The following SORCS1 variants were observed in gnomAD, a reference collection of about 807,000 sequenced individuals.
The protein encoded by SORCS1 is sortilin related VPS10 domain containing receptor 1, also known as VPS10 domain-containing receptor SorCS1.
In SORCS1, 60 loss-of-function variants were observed where a neutral mutation model predicts 146.1. The ratio of observed to expected loss-of-function variants is 0.41; its 90% CI spans 0.33 to 0.51. SORCS1 has a LOEUF of 0.51. Among genes scored for constraint, SORCS1 ranks in the 20% least tolerant of loss-of-function variants. The pLI is 0.21. For synonymous variants in SORCS1, 637 were observed against 584.0 expected, an observed-to-expected ratio of 1.09 and a Z score of -1.31; for missense variants, 1,352 against 1,487.6, an observed-to-expected ratio of 0.91 and a Z score of 1.50.
At chr10:106,740,407 G>T (rs975144047) in intron 5 of SORCS1, among the ~76,000 whole-genome samples, 61 of 152,172 alleles carry the variant, frequency 4.0e-4, no homozygotes, top group Non-Finnish European at 8.1e-4. Context: ...ATAAATTTTT[G>T]AATATGTTTA....
chr10:107,019,196 T>C (rs546583953), intron 1 of SORCS1, among the ~76,000 whole-genome samples: 11 of 152,188 alleles, frequency 7.2e-5, no homozygotes, highest in Non-Finnish European at 1.6e-4. Flanking sequence ...GTAGCCATTA[T>C]ATATGGCCTG....
intron 18 of SORCS1, among the ~76,000 whole-genome samples, chr10:106,647,042 T>C (rs1322015): frequency 0.24 from 33,813 of 143,100 alleles, 4,875 homozygotes; most frequent in East Asian, 0.52. Flanking sequence ...TATATATATA[T>C]GGTAATGTCA....
chr10:106,583,349 A>G (rs1345746923), intron 24 of SORCS1, among the ~76,000 whole-genome samples: 1 of 152,232 alleles, frequency 6.6e-6, no homozygotes, highest in Non-Finnish European at 1.5e-5. Context: ...ATATTAAATG[A>G]TCACAGCAGC....
chr10:106,823,348 T>C (rs1320775358), intron 3 of SORCS1, among the ~76,000 whole-genome samples: 1 of 152,186 alleles, frequency 6.6e-6, no homozygotes, highest in Non-Finnish European at 1.5e-5. Flanking sequence ...CAGACAAAAT[T>C]ATACATTATG....
chr10:106,834,841 T>G (rs1948717831), intron 2 of SORCS1, among the ~76,000 whole-genome samples: 1 of 152,338 alleles, frequency 6.6e-6, no homozygotes, highest in Non-Finnish European at 1.5e-5. Flanking sequence ...TTGACTTATC[T>G]ATAAATGAAA....
At chr10:106,755,608 C>CT (rs1294509077) in intron 5 of SORCS1, among the ~76,000 whole-genome samples, 3 of 147,776 alleles carry the variant, frequency 2.0e-5, no homozygotes, top group Admixed American at 6.6e-5. Flanking sequence ...GTGTGTGTGT[C>CT]TTTTTTTCCC....
intron 1 of SORCS1, among the ~76,000 whole-genome samples, chr10:107,002,447 T>C (rs1589898182): frequency 6.6e-6 from 1 of 152,320 alleles, no homozygotes; most frequent in South Asian, 2.1e-4. Context: ...ACAGCCACTC[T>C]TTTGGGCCAT....
chr10:107,119,374 A>G (rs1966247686), intron 1 of SORCS1, among the ~76,000 whole-genome samples: 1 of 152,222 alleles, frequency 6.6e-6, no homozygotes, highest in South Asian at 2.1e-4. Context: ...TTTTAAAGAA[A>G]GGCTATGGTT....
At chr10:106,637,921 T>G (rs1294304372) in intron 18 of SORCS1, among the ~76,000 whole-genome samples, 1 of 152,224 alleles carries the variant, frequency 6.6e-6, no homozygotes, top group Non-Finnish European at 1.5e-5. Flanking sequence ...CAAATTTCCC[T>G]TTTATGTCTT....
chr10:106,948,302 G>A (rs1954472114), intron 2 of SORCS1, among the ~76,000 whole-genome samples: 1 of 150,172 alleles, frequency 6.7e-6, no homozygotes, highest in African/African-American at 2.5e-5. Context: ...AAAAAAAAAT[G>A]TATCTGTGTT....
chr10:107,067,663 G>T (rs944243686), intron 1 of SORCS1, among the ~76,000 whole-genome samples: 6 of 152,114 alleles, frequency 3.9e-5, no homozygotes, highest in African/African-American at 1.4e-4. Flanking sequence ...AGAGAGGCAT[G>T]CAACAGCACA....
intron 2 of SORCS1, among the ~76,000 whole-genome samples, chr10:106,911,258 T>G (rs964287208): frequency 1.9e-4 from 29 of 152,270 alleles, no homozygotes; most frequent in African/African-American, 5.8e-4. Context: ...GGGAAGTGAA[T>G]GTCCTTCATT....
intron 2 of SORCS1, among the ~76,000 whole-genome samples, chr10:106,878,195 C>T (rs968934335): frequency 6.9e-6 from 1 of 145,326 alleles, no homozygotes; most frequent in African/African-American, 2.6e-5. Context: ...CCAGATACTA[C>T]AAAATTCCCT....
intron 2 of SORCS1, among the ~76,000 whole-genome samples, chr10:106,879,938 C>T (rs568964914): frequency 1.3e-5 from 2 of 152,332 alleles, no homozygotes; most frequent in Admixed American, 1.3e-4. Context: ...ATCTGGACTT[C>T]TGATCTACAG....
chr10:106,829,768 A>G, intron 2 of SORCS1, 95 bp from the exon 3 acceptor site: 1 of 832,198 alleles, frequency 1.2e-6, no homozygotes, highest in Non-Finnish European at 1.9e-6. Flanking sequence ...AATGGCTCTC[A>G]GGAGGTTTCT....
chr10:107,098,545 T>C (rs1964688899), intron 1 of SORCS1, among the ~76,000 whole-genome samples: 1 of 152,346 alleles, frequency 6.6e-6, no homozygotes, highest in Admixed American at 6.5e-5. Flanking sequence ...GGAATGCATA[T>C]CAAATTGAGA....
At chr10:107,180,389 CT>C in the SORCS1 span, among the ~76,000 whole-genome samples, 18 of 127,102 alleles carry the variant, frequency 1.4e-4, no homozygotes, top group African/African-American at 5.6e-4. Context: ...AAGGTGTTGG[CT>C]GGGCTTAGGT....
chr10:106,764,658 A>T (rs1859413074), intron 4 of SORCS1, among the ~76,000 whole-genome samples: 1 of 152,202 alleles, frequency 6.6e-6, no homozygotes, highest in Admixed American at 6.5e-5. Flanking sequence ...GATTAGGAAG[A>T]GAATGAAAGA....
chr10:106,612,098 A>G, intron 21 of SORCS1, 75 bp from the exon 22 acceptor site: 1 of 1,186,632 alleles, frequency 8.4e-7, no homozygotes. Context: ...TTTATATTTT[A>G]TACAAAATGG....
Sources: allele counts gnomAD v4.1 joint callset (sites outside exome capture counted in the v4.1 genomes callset), GRCh38; gene constraint gnomAD v4.1.1; transcripts MANE v1.5; gene names NCBI Gene and HGNC (gene_info 2026-07-23, HGNC 2026-07-21).